The following ZMAT4 variants were observed in gnomAD, a reference collection of about 807,000 sequenced individuals.
ZMAT4 encodes the protein zinc finger matrin-type 4.
In ZMAT4, 17 loss-of-function variants were observed where a neutral mutation model predicts 28.7. That is an observed-to-expected ratio of 0.59 (90% confidence interval 0.41 to 0.89). ZMAT4 has a LOEUF of 0.89. ZMAT4 is among the 40% of genes least tolerant of loss of function. ZMAT4 has a pLI of 0.00. For missense variants in ZMAT4, 240 were observed against 283.8 expected, an observed-to-expected ratio of 0.85 and a Z score of 1.11; for synonymous variants, 117 against 109.2, an observed-to-expected ratio of 1.07 and a Z score of -0.44.
intron 6 of ZMAT4, 113 bp downstream of exon 6, chr8:40,581,052 G>A: frequency 1.2e-6 from 1 of 801,074 alleles, no homozygotes; most frequent in Admixed American, 2.4e-5. Context: ...TGAAGCAAAA[G>A]AGATGTAATT....
intron 1 of ZMAT4, among the ~76,000 whole-genome samples, chr8:40,835,381 A>G (rs1278982685): frequency 6.6e-6 from 1 of 152,208 alleles, no homozygotes; most frequent in African/African-American, 2.4e-5. Context: ...CACATTTTAA[A>G]GAATAGGCTC....
At chr8:40,685,483 G>T (rs533753271) in intron 4 of ZMAT4, among the ~76,000 whole-genome samples, 1 of 152,260 alleles carries the variant, frequency 6.6e-6, no homozygotes, top group Non-Finnish European at 1.5e-5. Flanking sequence ...GAATTATTCT[G>T]CTGTGTCACC....
intron 5 of ZMAT4, among the ~76,000 whole-genome samples, chr8:40,660,808 A>G (rs1165268000): frequency 6.6e-6 from 1 of 152,190 alleles, no homozygotes; most frequent in African/African-American, 2.4e-5. Flanking sequence ...GTACTGAATG[A>G]GCTCAGCTTT....
chr8:40,664,552 T>C (rs1366758363), intron 5 of ZMAT4, among the ~76,000 whole-genome samples: 1 of 152,198 alleles, frequency 6.6e-6, no homozygotes, highest in Admixed American at 6.5e-5. Flanking sequence ...CAGAATGCAA[T>C]GAGCTGGCTT....
At chr8:40,821,332 C>T (rs1012002013) in intron 2 of ZMAT4, among the ~76,000 whole-genome samples, 1 of 152,164 alleles carries the variant, frequency 6.6e-6, no homozygotes, top group Non-Finnish European at 1.5e-5. Context: ...TCTCTTCCTT[C>T]TGTGTCTGTG....
intron 5 of ZMAT4, among the ~76,000 whole-genome samples, chr8:40,621,036 T>C (rs1342280624): frequency 6.6e-6 from 1 of 152,260 alleles, no homozygotes; most frequent in Non-Finnish European, 1.5e-5. Context: ...CTTGAGTTGC[T>C]TTATTAGAGA....
At chr8:40,635,729 C>T (rs2599648) in intron 5 of ZMAT4, among the ~76,000 whole-genome samples, 82,885 of 152,100 alleles carry the variant, frequency 0.54, 23,720 homozygotes, top group East Asian at 0.69. Flanking sequence ...AATTACTCTA[C>T]ATCCGCAATG....
chr8:40,675,658 A>C (rs572802757), intron 4 of ZMAT4, among the ~76,000 whole-genome samples: 1 of 152,192 alleles, frequency 6.6e-6, no homozygotes, highest in Non-Finnish European at 1.5e-5. Flanking sequence ...TTTGTGTGCT[A>C]TAAATGTAAT....
At chr8:40,617,542 A>G (rs1434339392) in intron 5 of ZMAT4, among the ~76,000 whole-genome samples, 2 of 152,232 alleles carry the variant, frequency 1.3e-5, no homozygotes, top group South Asian at 2.1e-4. Context: ...AGCAGACACA[A>G]TCGTTTGGGT....
At chr8:40,739,207 A>T (rs532042400) in intron 3 of ZMAT4, among the ~76,000 whole-genome samples, 3 of 152,322 alleles carry the variant, frequency 2.0e-5, no homozygotes, top group African/African-American at 7.2e-5. Flanking sequence ...AAAGCTCTTA[A>T]CTCAGTCACA....
intron 5 of ZMAT4, among the ~76,000 whole-genome samples, chr8:40,587,201 G>A (rs1195334658): frequency 6.6e-6 from 1 of 151,526 alleles, no homozygotes; most frequent in Non-Finnish European, 1.5e-5. Context: ...ATTGAAGGTA[G>A]GCTAAGAATA....
intron 6 of ZMAT4, among the ~76,000 whole-genome samples, chr8:40,571,222 G>T (rs991778945): frequency 1.3e-5 from 2 of 152,120 alleles, no homozygotes; most frequent in Admixed American, 6.6e-5. Context: ...TTTCAAGTCG[G>T]CAAAACACCT....
At chr8:40,713,063 CATATT>C (rs957114653) in intron 3 of ZMAT4, among the ~76,000 whole-genome samples, 9 of 151,790 alleles carry the variant, frequency 5.9e-5, no homozygotes, top group Admixed American at 4.6e-4. Flanking sequence ...ATGTGAAAAA[CATATT>C]ATAAAACTCT....
At chr8:40,569,080 T>C (rs1200990768) in intron 6 of ZMAT4, among the ~76,000 whole-genome samples, 1 of 152,168 alleles carries the variant, frequency 6.6e-6, no homozygotes, top group East Asian at 1.9e-4. Flanking sequence ...GGGATTAAAT[T>C]AAATGGGATG....
Position 40,874,428 on chromosome 8 carries a change from T to C in ZMAT4, c.-5+23255A>G, listed in dbSNP as rs922855599. Among the ~76,000 whole-genome samples, 4 of 152,250 alleles carry C rather than the reference T, an allele frequency of 2.6e-5. 1 individual carries two copies. The highest frequency in any genetic ancestry group is 9.6e-5 in the African/African-American group (4 of 41,474). ...TGTTTTGGTTAACAAATGGATATAA[T>C]GTATACTGGGAGTAAATGTCAGCAT... On this transcript the variant is annotated intron_variant, in intron 1 of 6. Transcript: ENST00000297737.
chr8:40,789,246 C>T (rs529108221), intron 2 of ZMAT4, among the ~76,000 whole-genome samples: 2 of 152,130 alleles, frequency 1.3e-5, no homozygotes, highest in Non-Finnish European at 2.9e-5. Flanking sequence ...CTTCCTCACC[C>T]CTGTAAAAGG....
chr8:40,684,058 C>A (rs1420507983), intron 4 of ZMAT4, among the ~76,000 whole-genome samples: 1 of 150,558 alleles, frequency 6.6e-6, no homozygotes, highest in African/African-American at 2.5e-5. Flanking sequence ...CAGAGGAGAT[C>A]CCGTCTTAGA....
intron 2 of ZMAT4, among the ~76,000 whole-genome samples, chr8:40,791,141 T>C (rs905458435): frequency 1.3e-5 from 2 of 152,204 alleles, no homozygotes; most frequent in Non-Finnish European, 2.9e-5. Flanking sequence ...CAAGATGGAT[T>C]ATAAATCTAA....
chr8:40,788,303 G>T (rs975062439), intron 2 of ZMAT4, among the ~76,000 whole-genome samples: 1 of 152,248 alleles, frequency 6.6e-6, no homozygotes, highest in Admixed American at 6.5e-5. Context: ...AGAATAAATA[G>T]GCTGGGCACG....
Sources: gnomAD v4.1 joint callset for allele counts (sites outside exome capture counted in the v4.1 genomes callset) on GRCh38, gnomAD v4.1.1 for gene constraint, MANE v1.5 for transcripts, NCBI Gene and HGNC (gene_info 2026-07-23, HGNC 2026-07-21) for gene names.